LHCGR: variants seen among roughly 807,000 people sequenced by gnomAD.
LHCGR encodes luteinizing hormone/choriogonadotropin receptor, also known as lutropin-choriogonadotropic hormone receptor.
Under a neutral mutation model 60.7 loss-of-function variants are expected in LHCGR, and 55 were observed. That is an observed-to-expected ratio of 0.91 (90% CI 0.73 to 1.13). LHCGR has a LOEUF of 1.13. LHCGR is among the 50% of genes most tolerant of loss of function. The pLI is 0.00. For synonymous variants in LHCGR, 337 were observed against 316.5 expected, an observed-to-expected ratio of 1.06 and a Z score of -0.69; for missense variants, 862 against 836.0, an observed-to-expected ratio of 1.03 and a Z score of -0.38.
chr2:48,711,552 C>T (rs4340578), intron 7 of LHCGR, among the ~76,000 whole-genome samples: 88,360 of 151,964 alleles, frequency 0.58, 26,633 homozygotes, highest in South Asian at 0.73. Flanking sequence ...TCATAGTTCA[C>T]GTCCATTTTG....
At position 48,687,998 on chromosome 2, in the gene LHCGR, G is replaced by A. The variant is rs780090269; in HGVS notation, c.1799C>T (p.Thr600Ile). ...CAGTAAAACTTTAGAGTTGGTTACT[G>A]TGATAAGAGGTACTTTGAAGGCAGC... is the stretch of plus-strand genomic sequence containing the variant. ...ISAAFKVPLITVTNSKVLLVL... is the reference protein window; with the variant it reads ...ISAAFKVPLIIVTNSKVLLVL... Residue 600 changes from threonine (T) to isoleucine (I), a missense_variant, in exon 11 of 11, where the codon ACA becomes ATA. Transcript: ENST00000294954. 6.2e-6 allele frequency: 10 copies of A among 1,614,172 alleles called. No individual in the cohort carries two copies. Among genetic ancestry groups the A allele is most frequent in the Non-Finnish European group, 8.5e-6 (10 of 1,180,016 alleles).
At chr2:48,751,230 T>C (rs1220260116) in intron 1 of LHCGR, among the ~76,000 whole-genome samples, 1 of 149,328 alleles carries the variant, frequency 6.7e-6, no homozygotes, top group African/African-American at 2.5e-5. Flanking sequence ...TGAAAGCTTA[T>C]TAGTCAATAA....
At chr2:48,689,184 C>CAT (rs1558801734) in intron 10 of LHCGR, among the ~76,000 whole-genome samples, 1 of 150,760 alleles carries the variant, frequency 6.6e-6, no homozygotes, top group African/African-American at 2.4e-5. Flanking sequence ...TATATACACA[C>CAT]ATATATATAC....
At chr2:48,728,809 T>C (rs746552561) in intron 3 of LHCGR, among the ~76,000 whole-genome samples, 1 of 152,174 alleles carries the variant, frequency 6.6e-6, no homozygotes, top group Non-Finnish European at 1.5e-5. Flanking sequence ...TGAACCAATT[T>C]ATGATCTCTA....
At chr2:48,690,709 G>T (rs551606387) in intron 10 of LHCGR, among the ~76,000 whole-genome samples, 2 of 152,220 alleles carry the variant, frequency 1.3e-5, no homozygotes, top group African/African-American at 4.8e-5. Context: ...TTCTATGAAG[G>T]CTTTCTTGAT....
chr2:48,753,873 T>A (rs1003623003), intron 1 of LHCGR, among the ~76,000 whole-genome samples: 2 of 151,942 alleles, frequency 1.3e-5, no homozygotes, highest in South Asian at 2.1e-4. Context: ...ATGAGCAAAT[T>A]TAAAAAGATA....
chr2:48,713,594 C>A (rs539078930), intron 7 of LHCGR, among the ~76,000 whole-genome samples: 2 of 152,278 alleles, frequency 1.3e-5, no homozygotes, highest in East Asian at 3.9e-4. Context: ...TTGTGGCTGA[C>A]AAGACTGGTA....
chr2:48,730,603 A>G (rs998276461), intron 2 of LHCGR, among the ~76,000 whole-genome samples: 4 of 152,132 alleles, frequency 2.6e-5, no homozygotes, highest in East Asian at 3.9e-4. Flanking sequence ...ACTCAGGCTA[A>G]TATTAAGAAA....
intron 7 of LHCGR, among the ~76,000 whole-genome samples, chr2:48,712,580 A>G (rs1668047444): frequency 6.6e-6 from 1 of 152,064 alleles, no homozygotes; most frequent in Non-Finnish European, 1.5e-5. Context: ...CCATGATAGG[A>G]GAACAACTTA....
At chr2:48,720,297 T>A (rs1036051729) in intron 6 of LHCGR, 1 of 152,150 alleles carries the variant, frequency 6.6e-6, no homozygotes, top group Non-Finnish European at 1.5e-5. Flanking sequence ...TATCCCAACA[T>A]TGGTTTTCTT....
intron 1 of LHCGR, among the ~76,000 whole-genome samples, chr2:48,741,464 G>A (rs148925379): frequency 0.16 from 24,230 of 151,800 alleles, 2,385 homozygotes; most frequent in East Asian, 0.33. Context: ...ACCCTCAAAG[G>A]GAAGCCCATC....
intron 3 of LHCGR, among the ~76,000 whole-genome samples, chr2:48,728,527 G>A (rs944824726): frequency 6.6e-6 from 1 of 152,108 alleles, no homozygotes; most frequent in Non-Finnish European, 1.5e-5. Flanking sequence ...ACTAACTTGC[G>A]GTGTGATGTC....
chr2:48,749,019 C>G (rs1401571461), intron 1 of LHCGR, among the ~76,000 whole-genome samples: 1 of 152,196 alleles, frequency 6.6e-6, no homozygotes, highest in Non-Finnish European at 1.5e-5. Flanking sequence ...TCATGAGGTG[C>G]AATTAGGAAC....
intron 8 of LHCGR, among the ~76,000 whole-genome samples, chr2:48,704,861 T>G (rs867141477): frequency 1.2e-4 from 19 of 152,214 alleles, no homozygotes; most frequent in Admixed American, 1.0e-3. Context: ...CATTGATTTT[T>G]TGAAGGGTTT....
At chr2:48,736,497 T>C (rs1479303150) in intron 1 of LHCGR, among the ~76,000 whole-genome samples, 1 of 152,206 alleles carries the variant, frequency 6.6e-6, no homozygotes, top group East Asian at 1.9e-4. Context: ...TAACGCCACC[T>C]TATCATGTCC....
At chr2:48,690,600 A>T (rs913053351) in intron 10 of LHCGR, among the ~76,000 whole-genome samples, 5 of 152,092 alleles carry the variant, frequency 3.3e-5, no homozygotes, top group African/African-American at 1.2e-4. Flanking sequence ...AATAAGTTCT[A>T]CTGTTTCACT....
rs185296294 is a variant in LHCGR at position 48,697,454 on chromosome 2, G to T, written c.866+1161C>A. On this transcript the variant is annotated intron_variant, in intron 9 of 10. Transcript: ENST00000294954. ...CTTTGTAACCTCAGGCTTTCACACAGTATTTGAAACATAGTAAGTGCTCAG... is the reference window on the plus strand; with the variant it reads ...CTTTGTAACCTCAGGCTTTCACACATTATTTGAAACATAGTAAGTGCTCAG... Among the ~76,000 whole-genome samples, 6 of 152,316 alleles carry T rather than the reference G, an allele frequency of 3.9e-5. No individual in the cohort carries two copies. In the East Asian group the frequency reaches 1.2e-3, roughly 29 times the overall value.
At chr2:48,745,035 G>C (rs1669634664) in intron 1 of LHCGR, among the ~76,000 whole-genome samples, 1 of 152,186 alleles carries the variant, frequency 6.6e-6, no homozygotes, top group Middle Eastern at 3.4e-3. Flanking sequence ...AGTGGGCGAA[G>C]GACATGAACA....
intron 3 of LHCGR, among the ~76,000 whole-genome samples, chr2:48,727,868 A>G (rs192102712): frequency 5.9e-5 from 9 of 152,312 alleles, no homozygotes; most frequent in Non-Finnish European, 1.2e-4. Context: ...CCAATTAATT[A>G]TTCTCTTCAG....
Sources: allele counts gnomAD v4.1 joint callset (sites outside exome capture counted in the v4.1 genomes callset), GRCh38; gene constraint gnomAD v4.1.1; transcripts MANE v1.5; gene names NCBI Gene and HGNC (gene_info 2026-07-23, HGNC 2026-07-21).